The following SLC25A43 variants were observed in gnomAD, a reference collection of about 807,000 sequenced individuals.
SLC25A43 encodes solute carrier family 25 member 43.
SLC25A43 carries 10 observed loss-of-function variants against 22.8 expected under a neutral mutation model. The observed-to-expected ratio is 0.44, with a 90% CI of 0.27 to 0.74. SLC25A43 has a LOEUF of 0.74. SLC25A43 is among the 30% of genes least tolerant of loss of function. The pLI is 0.17. For synonymous variants in SLC25A43, 106 were observed against 121.6 expected, an observed-to-expected ratio of 0.87 and a Z score of 0.84; for missense variants, 233 against 279.1, an observed-to-expected ratio of 0.83 and a Z score of 1.18.
chrX:119,447,817 C>G (rs2052679120), intron 3 of SLC25A43, among the ~76,000 whole-genome samples: 1 of 110,692 alleles, frequency 9.0e-6, no homozygotes, highest in Admixed American at 9.7e-5. Context: ...GTGGAAGTAT[C>G]CCCAGGCTCA....
At chrX:119,429,211 C>A (rs1036096123) in intron 3 of SLC25A43, among the ~76,000 whole-genome samples, 2 of 110,309 alleles carry the variant, frequency 1.8e-5, no homozygotes, top group African/African-American at 3.3e-5. Flanking sequence ...GCCACCATGC[C>A]CAGCTAATTT....
intron 3 of SLC25A43, among the ~76,000 whole-genome samples, chrX:119,447,272 A>C (rs185684386): frequency 3.6e-3 from 393 of 110,208 alleles, no homozygotes; most frequent in African/African-American, 0.012. Flanking sequence ...TCTTGAGTCC[A>C]TTCCAGTCAG....
intron 3 of SLC25A43, chrX:119,423,301 A>G (rs1489496497): frequency 8.9e-6 from 1 of 112,165 alleles, no homozygotes; most frequent in Non-Finnish European, 1.9e-5. Context: ...AGGCTGAGGC[A>G]GGCCGATCAA....
chrX:119,401,174 C>T (rs1479523165), intron 1 of SLC25A43, among the ~76,000 whole-genome samples: 2 of 111,520 alleles, frequency 1.8e-5, no homozygotes, highest in African/African-American at 6.5e-5. Flanking sequence ...CACCTCTTGT[C>T]AGTGACCGAG....
At chrX:119,434,893 G>A (rs1377615512) in intron 3 of SLC25A43, 3 of 109,960 alleles carry the variant, frequency 2.7e-5, no homozygotes, top group African/African-American at 9.9e-5. Flanking sequence ...GCGTGATCTC[G>A]GCTCACTTCT....
chrX:119,409,950 G>T (rs72607650), intron 2 of SLC25A43, among the ~76,000 whole-genome samples: 1 of 112,281 alleles, frequency 8.9e-6, no homozygotes, highest in South Asian at 3.7e-4. Context: ...TTTACATCCA[G>T]TAAAGTGGAC....
Position 119,406,556 on chromosome X carries a change from A to G in SLC25A43, c.372A>G (p.Thr124=), listed in dbSNP as rs1338399233. ...SLAGMVSTIV[T]YPTDLIKTRL... is the part of the protein sequence containing the mutation. ...CAGGCATGGTTTCCACCATTGTAAC[A>G]TATCCTACAGACCTCATCAAAACCC... The change falls in exon 2 of 5, where the codon ACA becomes ACG. Residue 124 remains threonine (T), a synonymous_variant. Coordinates refer to ENST00000217909, the MANE Select transcript of SLC25A43 (RefSeq NM_145305.3). 3 of 1,211,595 alleles carry G rather than the reference A, an allele frequency of 2.5e-6. No homozygotes were observed. Among genetic ancestry groups the G allele is most frequent in the Non-Finnish European group, 3.4e-6 (3 of 895,485 alleles).
chrX:119,431,485 C>T (rs1358715165), intron 3 of SLC25A43, among the ~76,000 whole-genome samples: 1 of 104,038 alleles, frequency 9.6e-6, no homozygotes, highest in Non-Finnish European at 2.0e-5. Flanking sequence ...TGCACTTCAG[C>T]CCGGAAGACA....
chrX:119,403,346 G>A (rs1411994024), intron 1 of SLC25A43, among the ~76,000 whole-genome samples: 1 of 109,172 alleles, frequency 9.2e-6, no homozygotes, highest in Non-Finnish European at 1.9e-5. Flanking sequence ...TTGGAGTGCA[G>A]TGACGCAATC....
Position 119,399,613 on chromosome X carries a change from G to A in SLC25A43, c.210G>A (p.Lys70=), listed in dbSNP as rs2052218377. The A allele has an allele frequency of 9.7e-7, 1 of 1,032,751 alleles. No homozygotes were observed. The highest frequency in any genetic ancestry group is 4.5e-5 in the Admixed American group (1 of 22,194). 85.1% of individuals were successfully genotyped at this position (1,032,751 alleles called of 1,213,427 possible). The change falls in exon 1 of 5, where the codon AAG becomes AAA. Residue 70 remains lysine, a synonymous_variant. Transcript: ENST00000217909. The part of the protein sequence containing the change: ...WRAEGLRALW[K]GNAVACLRLF... ...CAGAGGGGCTCCGGGCCCTGTGGAA[G>A]GGGAACGCGGTGGCGTGCCTGCGCC...
chrX:119,443,116 C>CTTTTTTT (rs58081965), intron 3 of SLC25A43, among the ~76,000 whole-genome samples: 6 of 73,454 alleles, frequency 8.2e-5, no homozygotes, highest in East Asian at 4.6e-4. Context: ...CATTCTCTCT[C>CTTTTTTT]TTTTTTTTTT....
intron 3 of SLC25A43, among the ~76,000 whole-genome samples, chrX:119,415,274 T>C (rs2052389964): frequency 9.1e-6 from 1 of 110,436 alleles, no homozygotes; most frequent in African/African-American, 3.3e-5. Flanking sequence ...ACTTGCCATG[T>C]TGCCCAGGCT....
intron 3 of SLC25A43, chrX:119,451,733 G>A (rs1403522996): frequency 2.6e-6 from 2 of 763,857 alleles, no homozygotes; most frequent in Non-Finnish European, 3.4e-6. Context: ...AGGTTGGGAG[G>A]GAATGTAAGT....
In SLC25A43 at chrX:119,414,570, C is replaced by T. The variant is rs777779740; in HGVS notation, c.690+4208C>T. Among the ~76,000 whole-genome samples the T allele has an allele frequency of 4.5e-5, 5 of 110,142 alleles. No individual in the cohort carries two copies. In the South Asian group the frequency reaches 1.2e-3, roughly 26 times the overall value. On this transcript the variant is annotated intron_variant, in intron 3 of 4. Coordinates refer to ENST00000217909, the MANE Select transcript of SLC25A43 (RefSeq NM_145305.3). Reference sequence around the variant, plus strand: ...AGAGACACGGTTTCAGCATGTTGGCCGGGCTGGAGTGGTGATGTTTTGTTG... The same window carrying T: ...AGAGACACGGTTTCAGCATGTTGGCTGGGCTGGAGTGGTGATGTTTTGTTG...
intron 3 of SLC25A43, among the ~76,000 whole-genome samples, chrX:119,415,024 A>G (rs951408248): frequency 1.4e-4 from 15 of 105,841 alleles, no homozygotes; most frequent in Non-Finnish European, 2.1e-4. Context: ...GGTTCAAGCA[A>G]TTCTCTTGCC....
intron 3 of SLC25A43, among the ~76,000 whole-genome samples, chrX:119,426,812 TA>T (rs1421389580): frequency 1.8e-5 from 1 of 56,691 alleles, no homozygotes; most frequent in Non-Finnish European, 3.5e-5. Context: ...AGTGAAACTC[TA>T]TTTAAAAAAA....
chrX:119,412,119 G>T (rs930363153), intron 3 of SLC25A43, among the ~76,000 whole-genome samples: 1 of 110,804 alleles, frequency 9.0e-6, no homozygotes, highest in South Asian at 3.8e-4. Context: ...TAGTAGTCCC[G>T]GCTGCCCTGG....
chrX:119,417,520 A>G (rs774735765), intron 3 of SLC25A43, among the ~76,000 whole-genome samples: 1 of 111,330 alleles, frequency 9.0e-6, no homozygotes, highest in Non-Finnish European at 1.9e-5. Context: ...CATAAACCTT[A>G]GTTTTGCTTT....
Position 119,420,646 on chromosome X carries a change from G to A in SLC25A43, c.690+10284G>A, listed in dbSNP as rs1278514426. Among the ~76,000 whole-genome samples the A allele has an allele frequency of 3.6e-5, 4 of 111,822 alleles. No individual in the cohort carries two copies. The South Asian group carries it at 1.1e-3, about 31-fold the overall frequency. ...TTCTTGATGGTCCCCAGAGAAAAAA[G>A]GCTGAGCCCCTTGGCTTGGCATGTT... is the stretch of plus-strand genomic sequence containing the variant. On this transcript the variant is annotated intron_variant, in intron 3 of 4. Transcript: ENST00000217909.
Sources: gnomAD v4.1 joint callset for allele counts (sites outside exome capture counted in the v4.1 genomes callset) on GRCh38, gnomAD v4.1.1 for gene constraint, MANE v1.5 for transcripts, NCBI Gene and HGNC (gene_info 2026-07-23, HGNC 2026-07-21) for gene names.